The following CPA3 variants were observed in gnomAD, a reference collection of about 807,000 sequenced individuals.
CPA3 encodes carboxypeptidase A3.
Under a neutral mutation model 55.8 loss-of-function variants are expected in CPA3, and 52 were observed. The observed-to-expected ratio is 0.93, with a 90% CI of 0.75 to 1.17. The LOEUF (loss-of-function observed/expected upper bound fraction) is 1.17. CPA3 is among the 50% of genes most tolerant of loss of function. The probability of loss-of-function intolerance (pLI) is 0.00; values close to 1 mark genes in which losing one functional copy is unlikely to be tolerated. For synonymous variants in CPA3, 179 were observed against 171.2 expected (o/e 1.05, Z -0.36); for missense variants, 547 against 509.1 (o/e 1.07, Z -0.72).
chr3:148,881,967 C>G (rs2108035266), intron 7 of CPA3, among the ~76,000 whole-genome samples: 1 of 152,086 alleles, frequency 6.6e-6, no homozygotes, highest in Admixed American at 6.5e-5. Flanking sequence ...TGTATTTCAT[C>G]AATTTTGAAT....
intron 3 of CPA3, among the ~76,000 whole-genome samples, chr3:148,873,671 A>G (rs1402071464): frequency 1.3e-5 from 2 of 152,186 alleles, no homozygotes; most frequent in Non-Finnish European, 2.9e-5. Flanking sequence ...TGAAGGCACT[A>G]TTGTACAATG....
At position 148,896,656 on chromosome 3, in the gene CPA3, C is replaced by T. The variant is rs1318987467; in HGVS notation, c.1203C>T (p.Thr401=). 8 of 1,568,710 alleles carry T rather than the reference C, an allele frequency of 5.1e-6. No individual in the cohort carries two copies. Among genetic ancestry groups the T allele is most frequent in the Admixed American group, 1.7e-5 (1 of 59,588 alleles). The change falls in exon 11 of 11, where the codon ACC becomes ACT. Residue 401 remains threonine, a synonymous_variant. Transcript: ENST00000296046. ...ESRIKPTCRE[T]MLAVKFIAKY... ...GGATAAAGCCAACGTGCAGAGAGAC[C>T]ATGCTAGCTGTCAAATTTATTGCCA...
chr3:148,887,364 A>C (rs1714560984), intron 10 of CPA3, among the ~76,000 whole-genome samples: 3 of 152,184 alleles, frequency 2.0e-5, no homozygotes, highest in Admixed American at 2.0e-4. Context: ...CAAGTTAGGC[A>C]CTGTGCTTAC....
chr3:148,878,884 C>A, intron 5 of CPA3, 136 bp downstream of exon 5: 1 of 588,474 alleles, frequency 1.7e-6, no homozygotes, highest in East Asian at 3.0e-5. Context: ...TCTAGACATC[C>A]ATTAAAGAAT....
Position 148,896,693 on chromosome 3 carries a change from A to C in CPA3, c.1240A>C (p.Lys414Gln). ...CAAATTTATTGCCAAGTATATCCTC[A>C]AGCATACTTCCTAAAGAACTGCCCT... is the stretch of plus-strand genomic sequence containing the variant. ...AVKFIAKYIL[K>Q]HTS Residue 414 changes from lysine to glutamine, a missense_variant, in exon 11 of 11, where the codon AAG becomes CAG. Physicochemically the swap from Lys to Gln is moderately conservative, Grantham distance 53. Transcript: ENST00000296046. 6.5e-7 allele frequency: 1 copy of C among 1,528,786 alleles called. No homozygotes were observed. The highest frequency in any genetic ancestry group is 1.2e-5 in the South Asian group (1 of 80,084). 94.7% of individuals were successfully genotyped at this position (1,528,786 alleles called of 1,614,324 possible). A position where few individuals can be genotyped will look rare whatever the true frequency, so the allele number is the denominator to read the frequency against.
chr3:148,868,578 T>C (rs1713970883), intron 2 of CPA3, among the ~76,000 whole-genome samples: 1 of 152,124 alleles, frequency 6.6e-6, no homozygotes, highest in Non-Finnish European at 1.5e-5. Flanking sequence ...AGGCAGATTC[T>C]GTGGCTAGAT....
Position 148,869,041 on chromosome 3 carries a change from T to C in CPA3, c.269+2T>C. 6.2e-7 allele frequency: 1 copy of C among 1,612,496 alleles called. No homozygotes were observed. The highest frequency in any genetic ancestry group is 8.5e-7 in the Non-Finnish European group (1 of 1,179,086). ...GGATCAAAATAAAATGCACTATGAGTAAGTCCTTGGCAAATATTGAAATTT... is the reference window on the plus strand; with the variant it reads ...GGATCAAAATAAAATGCACTATGAGCAAGTCCTTGGCAAATATTGAAATTT... On this transcript the variant is annotated splice_donor_variant, in intron 3 of 10. Coordinates refer to ENST00000296046, the MANE Select transcript of CPA3 (RefSeq NM_001870.4). LOFTEE classifies it high-confidence loss of function.
intron 4 of CPA3, 31 bp from the exon 5 acceptor site, chr3:148,878,616 C>T (rs750715856): frequency 3.8e-6 from 6 of 1,575,554 alleles, no homozygotes; most frequent in Non-Finnish European, 5.2e-6. Context: ...TTCTTTTATT[C>T]TAATTTCTCA....
In CPA3 at chr3:148,888,138, C is replaced by T. The variant is rs566149723; in HGVS notation, c.1066+1961C>T. Among the ~76,000 whole-genome samples, 21 of 152,302 alleles carry T rather than the reference C, an allele frequency of 1.4e-4. No homozygotes were observed. In the South Asian group the frequency reaches 2.9e-3, roughly 21 times the overall value. On this transcript the variant is annotated intron_variant, in intron 10 of 10. Transcript: ENST00000296046. The stretch of plus-strand genomic sequence containing the variant: ...TCAGGATTCCTTGCAACAATTTTAC[C>T]TGACCACAGTTTTTAAGTCACTTTC...
chr3:148,888,527 CA>C (rs1208067230), intron 10 of CPA3, among the ~76,000 whole-genome samples: 1 of 152,070 alleles, frequency 6.6e-6, no homozygotes, highest in Non-Finnish European at 1.5e-5. Context: ...TGTGAGTGGA[CA>C]AAAAGTAAGC....
chr3:148,886,094 C>A lies in CPA3; in HGVS notation c.983C>A (p.Ala328Asp), dbSNP rs1423801611. ...ACTCTAACTTTCCTTTCTCTCCAGG[C>A]CAAAGTTGCAAAGATTGGCACTGAT... ...SKLPPNHEDL[A>D]KVAKIGTDVL... Residue 328 changes from alanine to aspartate, a missense_variant and splice_region_variant, in exon 10 of 11, where the codon GCC becomes GAC. Coordinates refer to ENST00000296046, the MANE Select transcript of CPA3 (RefSeq NM_001870.4). The A allele has an allele frequency of 2.5e-6, 4 of 1,611,410 alleles. No homozygotes were observed. In the South Asian group the frequency reaches 4.4e-5, roughly 18 times the overall value.
intron 6 of CPA3, among the ~76,000 whole-genome samples, chr3:148,880,158 C>T (rs1321217873): frequency 1.3e-5 from 2 of 152,172 alleles, no homozygotes; most frequent in African/African-American, 4.8e-5. Flanking sequence ...TTACTGTAGT[C>T]AAGTATGGAA....
At position 148,878,368 on chromosome 3, in the gene CPA3, C is replaced by A. The variant is rs114722178; in HGVS notation, c.270-73C>A. The A allele has an allele frequency of 9.3e-5, 100 of 1,077,226 alleles. No homozygotes were observed. The African/African-American group carries it at 1.3e-3, about 14-fold the overall frequency. The allele number at this position is 1,077,226 out of a possible 1,614,324, so 66.7% of individuals were successfully genotyped here. ...GATAAAGGAGAAGGAAGAGAAATTT[C>A]TGCAAATGAAAGATAACTGTGTTTT... On this transcript the variant is annotated intron_variant, in intron 3 of 10. Coordinates refer to ENST00000296046, the MANE Select transcript of CPA3 (RefSeq NM_001870.4).
chr3:148,880,602 G>A (rs1335482452), intron 6 of CPA3, among the ~76,000 whole-genome samples: 1 of 152,102 alleles, frequency 6.6e-6, no homozygotes, highest in Non-Finnish European at 1.5e-5. Context: ...AAAGTGCTGG[G>A]ATAACAGGTA....
At chr3:148,868,194 C>G (rs3772584) in intron 2 of CPA3, among the ~76,000 whole-genome samples, 3,362 of 152,012 alleles carry the variant, frequency 0.022, 110 homozygotes, top group East Asian at 0.17. Flanking sequence ...CACCCAGCCT[C>G]GAAATTATTT....
chr3:148,889,934 C>T (rs1015414268), intron 10 of CPA3, among the ~76,000 whole-genome samples: 4 of 150,816 alleles, frequency 2.7e-5, no homozygotes, highest in African/African-American at 9.8e-5. Flanking sequence ...ATACCCCCAG[C>T]CCCCAGAGAT....
chr3:148,888,983 T>A (rs1224328708), intron 10 of CPA3, among the ~76,000 whole-genome samples: 2 of 152,220 alleles, frequency 1.3e-5, no homozygotes, highest in Non-Finnish European at 2.9e-5. Flanking sequence ...CATGCCATCA[T>A]GTGTCACTTT....
At chr3:148,881,674 G>T in intron 7 of CPA3, 42 bp downstream of exon 7, 1 of 1,340,484 alleles carries the variant, frequency 7.5e-7, no homozygotes, top group Non-Finnish European at 1.1e-6. Flanking sequence ...GATATTATTT[G>T]CTGGCTTTAA....
At chr3:148,872,948 A>G (rs1475039293) in intron 3 of CPA3, among the ~76,000 whole-genome samples, 1 of 152,106 alleles carries the variant, frequency 6.6e-6, no homozygotes, top group Non-Finnish European at 1.5e-5. Flanking sequence ...TAATAATGGA[A>G]TCTATTTCAT....
Sources: allele counts gnomAD v4.1 joint callset (sites outside exome capture counted in the v4.1 genomes callset), GRCh38; gene constraint gnomAD v4.1.1; transcripts MANE v1.5; gene names NCBI Gene and HGNC (gene_info 2026-07-23, HGNC 2026-07-21).